Variants in SIPA1L3 observed in about 807,000 individuals in gnomAD.
The protein encoded by SIPA1L3 is signal induced proliferation associated 1 like 3.
A neutral mutation model predicts 150.1 loss-of-function variants in SIPA1L3; 59 were observed. That is an observed-to-expected ratio of 0.39 (90% CI 0.32 to 0.49). The LOEUF is 0.49. Among genes scored for constraint, SIPA1L3 ranks in the 20% least tolerant of loss-of-function variants. SIPA1L3 has a pLI of 0.86. For missense variants in SIPA1L3, 2,211 were observed against 2,489.5 expected (o/e 0.89, Z 2.38); for synonymous variants, 1,070 against 1,077.6 (o/e 0.99, Z 0.14).
chr19:38,084,792 A>G (rs931439323), intron 3 of SIPA1L3, among the ~76,000 whole-genome samples: 3 of 151,782 alleles, frequency 2.0e-5, no homozygotes, highest in African/African-American at 7.3e-5. Context: ...GGCGCTCGCT[A>G]TCATGCCCAG....
At chr19:38,149,724 G>A (rs954622905) in intron 12 of SIPA1L3, among the ~76,000 whole-genome samples, 5 of 152,168 alleles carry the variant, frequency 3.3e-5, no homozygotes, top group African/African-American at 1.2e-4. Context: ...AGGAAGCTTC[G>A]AGGCTGGAAG....
At chr19:38,042,146 C>G (rs2145742331) in intron 2 of SIPA1L3, among the ~76,000 whole-genome samples, 1 of 152,236 alleles carries the variant, frequency 6.6e-6, no homozygotes, top group South Asian at 2.1e-4. Flanking sequence ...GAGGAGCTTT[C>G]CGCCATGTTC....
intron 2 of SIPA1L3, among the ~76,000 whole-genome samples, chr19:38,063,161 G>A (rs1969489356): frequency 6.6e-6 from 1 of 152,212 alleles, no homozygotes; most frequent in South Asian, 2.1e-4. Context: ...GGCCAGTTAG[G>A]ATGATGGATG....
In SIPA1L3 at chr19:38,093,194, G is replaced by C. The variant is rs147465104; in HGVS notation, c.1665+4343G>C. On this transcript the variant is annotated intron_variant, in intron 4 of 21. Transcript: ENST00000222345. ...GATTTTTAACAGGAAGGTCAAGGGA[G>C]GCATCACTGGGAAGGTAACACTGGA... is the stretch of plus-strand genomic sequence containing the variant. 2.6e-5 allele frequency among the ~76,000 whole-genome samples: 4 copies of C among 152,220 alleles called. No individual in the cohort carries two copies. The East Asian group carries it at 7.7e-4, about 29-fold the overall frequency.
chr19:38,095,684 G>A (rs1488513662), intron 4 of SIPA1L3, among the ~76,000 whole-genome samples: 2 of 152,186 alleles, frequency 1.3e-5, no homozygotes, highest in Admixed American at 1.3e-4. Flanking sequence ...CTGTCCAGGT[G>A]GGAGGTGATG....
At position 38,193,603 on chromosome 19, in the gene SIPA1L3, C is replaced by A; in HGVS notation, c.4663C>A (p.Pro1555Thr). ...DESLCSGRRE[P>T]SFASPAGLEP... ...GAGCCTGTGCAGCGGGCGCCGGGAG[C>A]CCAGCTTCGCCAGCCCCGCTGGCCT... The change falls in exon 18 of 22, where the codon CCC becomes ACC. Residue 1555 changes from proline to threonine, a missense_variant. This residue lies in a region of SIPA1L3 where 806 missense variants were observed against 870.1 expected (regional missense o/e 0.93). Coordinates refer to ENST00000222345, the MANE Select transcript of SIPA1L3 (RefSeq NM_015073.3). The A allele has an allele frequency of 1.9e-6, 3 of 1,563,744 alleles. No individual in the cohort carries two copies. Among genetic ancestry groups the A allele is most frequent in the Non-Finnish European group, 2.6e-6 (3 of 1,164,986 alleles).
At chr19:38,174,742 C>T (rs1195271017) in intron 15 of SIPA1L3, among the ~76,000 whole-genome samples, 2 of 151,432 alleles carry the variant, frequency 1.3e-5, no homozygotes, top group African/African-American at 2.4e-5. Context: ...CCCAGAGACT[C>T]GAGAGGCTGA....
chr19:38,206,389 T>C lies in SIPA1L3; in HGVS notation c.*149T>C, dbSNP rs556909144. ...GACACGGAAACTCCGATGGCCTCAC[T>C]AGGGCTGTGAGTCAGGGTCAGCGCG... is the stretch of plus-strand genomic sequence containing the variant. On this transcript the variant is annotated 3_prime_UTR_variant, in exon 22 of 22. Coordinates refer to ENST00000222345, the MANE Select transcript of SIPA1L3 (RefSeq NM_015073.3). 4.2e-6 allele frequency: 4 copies of C among 946,288 alleles called. No homozygotes were observed. In the East Asian group the frequency reaches 1.1e-4, roughly 26 times the overall value. 58.6% of individuals were successfully genotyped at this position (946,288 alleles called of 1,614,324 possible). A position where few individuals can be genotyped will look rare whatever the true frequency, so the allele number is the denominator to read the frequency against.
Position 38,082,101 on chromosome 19 carries a change from G to A in SIPA1L3, c.536G>A (p.Cys179Tyr), listed in dbSNP as rs750369641. ...AGCAGCGAGATCACCCTCAGCGAGT[G>A]TGACGCGGAGGACGCGGGGGAGCCG... ...RSSSEITLSECDAEDAGEPRG... is the reference protein window; with the variant it reads ...RSSSEITLSEYDAEDAGEPRG... The change falls in exon 3 of 22, where the codon TGT becomes TAT. Residue 179 changes from cysteine to tyrosine, a missense_variant. Cys to Tyr is a radical substitution (Grantham distance 194). Around this residue, in one of 5 missense-constraint regions of SIPA1L3, gnomAD observed 587 missense variants for 534.5 expected, o/e 1.10. Coordinates refer to ENST00000222345, the MANE Select transcript of SIPA1L3 (RefSeq NM_015073.3). The A allele has an allele frequency of 1.2e-6, 2 of 1,609,634 alleles. No homozygotes were observed. The highest frequency in any genetic ancestry group is 8.5e-7 in the Non-Finnish European group (1 of 1,179,394).
At chr19:37,979,279 T>A (rs1967144792) in intron 1 of SIPA1L3, among the ~76,000 whole-genome samples, 1 of 152,096 alleles carries the variant, frequency 6.6e-6, no homozygotes, top group Admixed American at 6.6e-5. Context: ...CCAGGCACAG[T>A]GGCTCACGCC....
chr19:37,962,486 T>TTTTTTTTTTG (rs2046868262), intron 1 of SIPA1L3, among the ~76,000 whole-genome samples: 2 of 128,436 alleles, frequency 1.6e-5, no homozygotes, highest in African/African-American at 6.7e-5. Flanking sequence ...TTTTTTTTTT[T>TTTTTTTTTTG]GAGATAGGGT....
intron 1 of SIPA1L3, among the ~76,000 whole-genome samples, chr19:37,977,082 C>A (rs1287497226): frequency 6.6e-6 from 1 of 151,222 alleles, no homozygotes; most frequent in South Asian, 2.1e-4. Flanking sequence ...AGCAGTCCAC[C>A]CACCTGAGCC....
intron 1 of SIPA1L3, among the ~76,000 whole-genome samples, chr19:38,016,899 T>G (rs1968246691): frequency 7.6e-6 from 1 of 132,200 alleles, no homozygotes; most frequent in East Asian, 2.2e-4. Flanking sequence ...TTTTTTTTTT[T>G]TTTTTTTTTT....
chr19:38,068,578 G>A (rs1428097773), intron 2 of SIPA1L3, among the ~76,000 whole-genome samples: 2 of 152,116 alleles, frequency 1.3e-5, no homozygotes, highest in Non-Finnish European at 2.9e-5. Flanking sequence ...GTCCCTACTT[G>A]GCAGGGCATG....
chr19:38,142,744 A>G, intron 12 of SIPA1L3, 34 bp downstream of exon 12: 1 of 1,595,022 alleles, frequency 6.3e-7, no homozygotes, highest in Non-Finnish European at 8.6e-7. Context: ...ATGTTAAGGG[A>G]TCTGATGAAA....
intron 4 of SIPA1L3, among the ~76,000 whole-genome samples, chr19:38,094,998 C>A (rs748005354): frequency 1.3e-5 from 2 of 152,096 alleles, no homozygotes; most frequent in Non-Finnish European, 2.9e-5. Context: ...TCACTTGAAC[C>A]CAGGAGGCAG....
intron 15 of SIPA1L3, among the ~76,000 whole-genome samples, chr19:38,174,945 G>A (rs1972406337): frequency 6.6e-6 from 1 of 152,106 alleles, no homozygotes; most frequent in Non-Finnish European, 1.5e-5. Flanking sequence ...TGTATCAGCT[G>A]CTGCTGTGTT....
At position 38,204,291 on chromosome 19, in the gene SIPA1L3, G is replaced by A. The variant is rs533756775; in HGVS notation, c.5202+83G>A. ...CAGCAGGGATCAGGCACCTGCCCCC[G>A]CCATGCAGGACCCACCCCACCCCCA... On this transcript the variant is annotated intron_variant, in intron 21 of 21. Transcript: ENST00000222345. 3.9e-5 allele frequency: 45 copies of A among 1,164,730 alleles called. No homozygotes were observed. In the African/African-American group the frequency reaches 5.2e-4, roughly 13 times the overall value. 72.1% of individuals were successfully genotyped at this position (1,164,730 alleles called of 1,614,324 possible).
chr19:38,202,743 C>T (rs981867568), intron 20 of SIPA1L3, among the ~76,000 whole-genome samples: 2 of 152,188 alleles, frequency 1.3e-5, no homozygotes, highest in Non-Finnish European at 2.9e-5. Context: ...TTCTGCCTCA[C>T]GCTCACCCTT....
Sources: allele counts gnomAD v4.1 joint callset (sites outside exome capture counted in the v4.1 genomes callset), GRCh38; gene constraint gnomAD v4.1.1; regional missense constraint gnomAD v4.1.1; transcripts MANE v1.5; gene names NCBI Gene and HGNC (gene_info 2026-07-23, HGNC 2026-07-21).